GREB1: variants seen among roughly 807,000 people sequenced by gnomAD.
The protein encoded by GREB1 is protein GREB1.
In GREB1, 106 loss-of-function variants were observed where a neutral mutation model predicts 200.7. The observed-to-expected ratio is 0.53, with a 90% confidence interval of 0.45 to 0.62. The LOEUF is 0.62. GREB1 is among the 20% of genes least tolerant of loss of function. GREB1 has a pLI of 0.00. For missense variants in GREB1, 2,243 were observed against 2,556.8 expected (o/e 0.88, Z 2.65); for synonymous variants, 1,132 against 1,092.4 (o/e 1.04, Z -0.72).
At chr2:11,574,384 TG>T (rs576504725) in intron 4 of GREB1, among the ~76,000 whole-genome samples, 2 of 152,158 alleles carry the variant, frequency 1.3e-5, no homozygotes, top group Non-Finnish European at 2.9e-5. Context: ...AGCCAGCCTT[TG>T]GGTCACAGAA....
intron 1 of GREB1, among the ~76,000 whole-genome samples, chr2:11,487,568 C>T (rs1200028177): frequency 1.3e-5 from 2 of 152,168 alleles, no homozygotes; most frequent in Non-Finnish European, 2.9e-5. Flanking sequence ...AGAGACTGAG[C>T]CCTTCAGAAA....
intron 17 of GREB1, among the ~76,000 whole-genome samples, chr2:11,610,406 A>G (rs1198983960): frequency 6.6e-6 from 1 of 152,218 alleles, no homozygotes; most frequent in Non-Finnish European, 1.5e-5. Flanking sequence ...CATTCATTGG[A>G]CAAATATTTA....
upstream of GREB1, among the ~76,000 whole-genome samples, chr2:11,533,519 A>G (rs1674153203): frequency 6.6e-6 from 1 of 152,230 alleles, no homozygotes; most frequent in Non-Finnish European, 1.5e-5. Flanking sequence ...CCAGCTCCAC[A>G]GCGTCCCTGA....
At chr2:11,533,647 T>C (rs1446221978), upstream of GREB1, among the ~76,000 whole-genome samples, 1 of 152,220 alleles carries the variant, frequency 6.6e-6, no homozygotes, top group Non-Finnish European at 1.5e-5. Context: ...AACCCAACAA[T>C]TGGTTCTTTG....
At position 11,628,672 on chromosome 2, in the gene GREB1, A is replaced by ATT. The variant is rs10647910; in HGVS notation, c.4450-1273_4450-1272dup. Among the ~76,000 whole-genome samples, 975 of 152,286 alleles carry ATT rather than the reference A, an allele frequency of 6.4e-3. 13 individuals carry two copies. Among genetic ancestry groups the ATT allele is most frequent in the African/African-American group, 0.022 (921 of 41,562 alleles). On this transcript the variant is annotated intron_variant, in intron 25 of 32. Coordinates refer to ENST00000381486, the MANE Select transcript of GREB1 (RefSeq NM_014668.4). ...AAACATACATGAAAACACGTCCTTGATTTTGAAATGTAGGGAACTGAAAGG... is the reference window on the plus strand; with the variant it reads ...AAACATACATGAAAACACGTCCTTGATTTTTTGAAATGTAGGGAACTGAAAGG...
intron 32 of GREB1, among the ~76,000 whole-genome samples, chr2:11,639,238 C>T (rs1235857168): frequency 2.0e-5 from 3 of 152,218 alleles, no homozygotes; most frequent in African/African-American, 7.2e-5. Context: ...TACAGGTGCC[C>T]GCCACCACAC....
intron 1 of GREB1, among the ~76,000 whole-genome samples, chr2:11,551,573 A>G (rs1347542673): frequency 6.6e-6 from 1 of 152,190 alleles, no homozygotes; most frequent in African/African-American, 2.4e-5. Context: ...CTTGTAAACC[A>G]TTTACTCTTA....
chr2:11,590,318 G>A (rs891675783), intron 10 of GREB1, among the ~76,000 whole-genome samples: 1 of 152,064 alleles, frequency 6.6e-6, no homozygotes, highest in South Asian at 2.1e-4. Flanking sequence ...CTTGGACTCC[G>A]ATTGCATCTC....
chr2:11,555,520 TAA>T (rs766806967), intron 1 of GREB1, among the ~76,000 whole-genome samples: 91 of 152,332 alleles, frequency 6.0e-4, no homozygotes, highest in Non-Finnish European at 9.4e-4. Flanking sequence ...TGAAGAGAAT[TAA>T]GTCTAAAACA....
Position 11,566,720 on chromosome 2 carries a change from G to C in GREB1, c.454+64G>C, listed in dbSNP as rs561978603. Reference sequence around the variant, plus strand: ...ATGGGGTAGAGCAGGGTCAAGGGAGGTCACGGCGGGGGGTGGTGGCAACAG... The same window carrying C: ...ATGGGGTAGAGCAGGGTCAAGGGAGCTCACGGCGGGGGGTGGTGGCAACAG... On this transcript the variant is annotated intron_variant, in intron 4 of 32. Transcript: ENST00000381486. 5 of 1,432,496 alleles carry C rather than the reference G, an allele frequency of 3.5e-6. No individual in the cohort carries two copies. In the African/African-American group the frequency reaches 7.2e-5, roughly 20 times the overall value. The allele number at this position is 1,432,496 out of a possible 1,614,324, so 88.7% of individuals were successfully genotyped here.
At chr2:11,602,896 C>A (rs1212105927) in intron 17 of GREB1, among the ~76,000 whole-genome samples, 1 of 152,132 alleles carries the variant, frequency 6.6e-6, no homozygotes, top group Non-Finnish European at 1.5e-5. Context: ...TTTTTATTTC[C>A]GATGCATATC....
intron 2 of GREB1, among the ~76,000 whole-genome samples, chr2:11,558,364 C>T (rs1040964217): frequency 1.3e-5 from 2 of 152,170 alleles, no homozygotes; most frequent in South Asian, 2.1e-4. Context: ...TCTGACATTC[C>T]GACAGCTCAG....
intron 1 of GREB1, among the ~76,000 whole-genome samples, chr2:11,515,497 A>T (rs1254667545): frequency 6.6e-6 from 1 of 152,038 alleles, no homozygotes; most frequent in East Asian, 1.9e-4. Flanking sequence ...GTCTTTTTCC[A>T]TTGTGTTTCT....
chr2:11,585,618 A>C lies in GREB1; in HGVS notation c.1016-144A>C, dbSNP rs1572819303. ...ACTTAAAGGTGCCGTTGACCTTAGGAATCTGTGACTCTAAGAGTTTGGTGC... is the reference window on the plus strand; with the variant it reads ...ACTTAAAGGTGCCGTTGACCTTAGGCATCTGTGACTCTAAGAGTTTGGTGC... On this transcript the variant is annotated intron_variant, in intron 8 of 32. Coordinates refer to ENST00000381486, the MANE Select transcript of GREB1 (RefSeq NM_014668.4). 3.7e-6 allele frequency: 3 copies of C among 806,200 alleles called. No homozygotes were observed. In the East Asian group the frequency reaches 7.8e-5, roughly 21 times the overall value. 49.9% of individuals were successfully genotyped at this position (806,200 alleles called of 1,614,324 possible).
rs181993114 is a variant in GREB1 at position 11,541,782 on chromosome 2, C to T, written c.-162+7528C>T. Among the ~76,000 whole-genome samples, 498 of 152,306 alleles carry T rather than the reference C, an allele frequency of 3.3e-3. 2 individuals are homozygous for T. The highest frequency in any genetic ancestry group is 5.2e-3 in the Admixed American group (79 of 15,300). Reference sequence around the variant, plus strand: ...CAGGGCTTAGGCTGAACGGGCCCCTCGTTGCCCTCCTACCCCCTGTCCCTG... The same window carrying T: ...CAGGGCTTAGGCTGAACGGGCCCCTTGTTGCCCTCCTACCCCCTGTCCCTG... On this transcript the variant is annotated intron_variant, in intron 1 of 32. Transcript: ENST00000381486.
At chr2:11,588,543 A>G (rs1451579710) in intron 9 of GREB1, 5 of 639,410 alleles carry the variant, frequency 7.8e-6, no homozygotes, top group Non-Finnish European at 1.4e-5. Flanking sequence ...CCCATTGGTT[A>G]GAAAAGGTGA....
At position 11,592,892 on chromosome 2, in the gene GREB1, C is replaced by A; in HGVS notation, c.1462C>A (p.Pro488Thr). ...YQQAPPQPFP[P>T]APSAAAPVTS... ...GCAGGCGCCGCCGCAGCCCTTCCCGCCCGCGCCCAGCGCCGCGGCACCCGT... is the reference window on the plus strand; with the variant it reads ...GCAGGCGCCGCCGCAGCCCTTCCCGACCGCGCCCAGCGCCGCGGCACCCGT... The change falls in exon 11 of 33, where the codon CCC becomes ACC. Residue 488 changes from proline to threonine, a missense_variant. Coordinates refer to ENST00000381486, the MANE Select transcript of GREB1 (RefSeq NM_014668.4). 1 of 1,598,188 alleles carries A rather than the reference C, an allele frequency of 6.3e-7. No homozygotes were observed. The highest frequency in any genetic ancestry group is 8.5e-7 in the Non-Finnish European group (1 of 1,173,054).
intron 1 of GREB1, among the ~76,000 whole-genome samples, chr2:11,526,478 C>G (rs148882828): frequency 1.3e-5 from 2 of 151,856 alleles, no homozygotes; most frequent in African/African-American, 4.8e-5. Context: ...GTATTCGGTA[C>G]TAATTGTGAT....
intron 32 of GREB1, among the ~76,000 whole-genome samples, chr2:11,639,617 C>T (rs1363752923): frequency 6.6e-6 from 1 of 152,238 alleles, no homozygotes; most frequent in Non-Finnish European, 1.5e-5. Flanking sequence ...CTGCTCAGAT[C>T]CCTAGCTGAC....
Sources: gnomAD v4.1 joint callset for allele counts (sites outside exome capture counted in the v4.1 genomes callset) on GRCh38, gnomAD v4.1.1 for gene constraint, MANE v1.5 for transcripts, NCBI Gene and HGNC (gene_info 2026-07-23, HGNC 2026-07-21) for gene names.